The following LAMC3 variants were observed in gnomAD, a reference collection of about 807,000 sequenced individuals.
LAMC3 encodes the protein laminin subunit gamma-3.
In LAMC3, 128 loss-of-function variants were observed where a neutral mutation model predicts 173.8. The ratio of observed to expected loss-of-function variants is 0.74; its 90% CI spans 0.64 to 0.85. The LOEUF is 0.85. Among genes scored for constraint, LAMC3 ranks in the 40% least tolerant of loss-of-function variants. The pLI, the probability that LAMC3 is intolerant of heterozygous loss-of-function variation, is 0.00. For missense variants in LAMC3, 2,022 were observed against 2,156.0 expected, an observed-to-expected ratio of 0.94 and a Z score of 1.23; for synonymous variants, 897 against 909.1, an observed-to-expected ratio of 0.99 and a Z score of 0.24.
At position 131,087,711 on chromosome 9, in the gene LAMC3, C is replaced by G. The variant is rs1564157982; in HGVS notation, c.4378-7C>G. The stretch of plus-strand genomic sequence containing the variant: ...TTCAAGCTGTTTCTTCCTCCTCCCC[C>G]TGAAAGGTGGGTGCTGGGCTGAGCG... On this transcript the variant is annotated splice_polypyrimidine_tract_variant and splice_region_variant and intron_variant, in intron 26 of 27. Transcript: ENST00000361069. 1 of 1,614,020 alleles carries G rather than the reference C, an allele frequency of 6.2e-7. No individual in the cohort carries two copies. The highest frequency in any genetic ancestry group is 1.7e-5 in the Admixed American group (1 of 60,024).
chr9:131,040,758 C>A (rs10793983), intron 6 of LAMC3, among the ~76,000 whole-genome samples: 60,796 of 151,816 alleles, frequency 0.4, 12,404 homozygotes, highest in Non-Finnish European at 0.46. Context: ...AGCTGAGCAG[C>A]CCCGCTCTCG....
chr9:131,090,782 T>C (rs1226359302), intron 27 of LAMC3, among the ~76,000 whole-genome samples: 1 of 151,978 alleles, frequency 6.6e-6, no homozygotes, highest in Non-Finnish European at 1.5e-5. Context: ...ATCCCAGCAC[T>C]TTGGGAGGCT....
At chr9:131,066,182 G>A (rs953678655) in intron 13 of LAMC3, among the ~76,000 whole-genome samples, 39 of 151,910 alleles carry the variant, frequency 2.6e-4, no homozygotes, top group South Asian at 6.2e-4. Context: ...GTGACAGGAC[G>A]AGACTGCATC....
In LAMC3 at chr9:131,068,892, C is replaced by G; in HGVS notation, c.2748-16C>G. On this transcript the variant is annotated splice_polypyrimidine_tract_variant and intron_variant, in intron 15 of 27. Coordinates refer to ENST00000361069, the MANE Select transcript of LAMC3 (RefSeq NM_006059.4). ...CCCTGAGCTTGCCTCAGACCCAGTT[C>G]CTTCCCTGATCACAGCTGCAAGTGT... 1 of 1,613,832 alleles carries G rather than the reference C, an allele frequency of 6.2e-7. No homozygotes were observed. Among genetic ancestry groups the G allele is most frequent in the Non-Finnish European group, 8.5e-7 (1 of 1,179,988 alleles).
intron 17 of LAMC3, among the ~76,000 whole-genome samples, chr9:131,070,438 T>G (rs988618659): frequency 6.6e-6 from 1 of 152,190 alleles, no homozygotes; most frequent in African/African-American, 2.4e-5. Context: ...GAAGGCCGGG[T>G]GCTGTGGCTC....
chr9:131,047,191 G>A (rs1455174282), intron 8 of LAMC3, among the ~76,000 whole-genome samples: 7 of 51,986 alleles, frequency 1.3e-4, no homozygotes, highest in Non-Finnish European at 2.5e-4. Context: ...TTAAGACGGA[G>A]TCTCACTGTG....
intron 1 of LAMC3, among the ~76,000 whole-genome samples, chr9:131,014,771 G>C (rs1833490025): frequency 6.6e-6 from 1 of 152,218 alleles, no homozygotes; most frequent in Non-Finnish European, 1.5e-5. Flanking sequence ...CAGAAGTTCA[G>C]GGTCAGCCTG....
chr9:131,036,466 C>A, intron 4 of LAMC3, 134 bp downstream of exon 4: 1 of 973,146 alleles, frequency 1.0e-6, no homozygotes, highest in Non-Finnish European at 1.6e-6. Flanking sequence ...CTCTGTGCTG[C>A]TGCAGAGATA....
In LAMC3 at chr9:131,085,592, GAC is replaced by G; in HGVS notation, c.4101_4102del (p.Asp1367GlufsTer81). ...ALQRKADSVSDRLLADTRKKT... is the reference protein window; with the variant it reads ...ALQRKADSVSXRLLADTRKKT... ...GCAGAGGAAGGCAGACTCCGTCAGT[GAC>G]AGACTCCTTGCAGACACGAGAAAGA... On this transcript the variant is annotated frameshift_variant, in exon 25 of 28. Transcript: ENST00000361069. LOFTEE classifies it high-confidence loss of function. 1 of 1,614,144 alleles carries G rather than the reference GAC, an allele frequency of 6.2e-7. No individual in the cohort carries two copies. The highest frequency in any genetic ancestry group is 1.1e-5 in the South Asian group (1 of 91,084).
At chr9:131,081,302 A>G (rs965925229) in intron 23 of LAMC3, among the ~76,000 whole-genome samples, 12 of 152,228 alleles carry the variant, frequency 7.9e-5, no homozygotes, top group African/African-American at 2.2e-4. Flanking sequence ...CCACTCATCT[A>G]TCAGACCCAA....
Position 131,061,236 on chromosome 9 carries a change from T to C in LAMC3, c.2347+13T>C, listed in dbSNP as rs760132941. 1.3e-6 allele frequency: 2 copies of C among 1,598,024 alleles called. No individual in the cohort carries two copies. Among genetic ancestry groups the C allele is most frequent in the African/African-American group, 1.3e-5 (1 of 74,790 alleles). Reference sequence around the variant, plus strand: ...CCGGGCCAGAGAGGTAAGTGACTCCTGCCCCGGAGCCCTGCCCCGCAGAGG... The same window carrying C: ...CCGGGCCAGAGAGGTAAGTGACTCCCGCCCCGGAGCCCTGCCCCGCAGAGG... On this transcript the variant is annotated intron_variant, in intron 13 of 27. Coordinates refer to ENST00000361069, the MANE Select transcript of LAMC3 (RefSeq NM_006059.4).
intron 13 of LAMC3, among the ~76,000 whole-genome samples, chr9:131,063,891 G>C (rs73554423): frequency 0.065 from 9,944 of 152,028 alleles, 1,118 homozygotes; most frequent in African/African-American, 0.23. Context: ...TCCTTTTCAG[G>C]GTTGCCCTTA....
At position 131,009,987 on chromosome 9, in the gene LAMC3, C is replaced by G. The variant is rs1239729524; in HGVS notation, c.373+400C>G. Among the ~76,000 whole-genome samples the G allele has an allele frequency of 2.0e-5, 3 of 151,740 alleles. No homozygotes were observed. The highest frequency in any genetic ancestry group is 4.4e-5 in the Non-Finnish European group (3 of 67,948). On this transcript the variant is annotated intron_variant, in intron 1 of 27. Transcript: ENST00000361069. This position sits in a 1 kb window ranked among gnomAD's most constrained non-coding sequence, Gnocchi z 4.3. ...TGGCCAACATGGTGAAAACCCGTCT[C>G]TACTAAAAATAGAAAATTTGGCCGG...
chr9:131,087,138 G>A (rs545348812), intron 25 of LAMC3, among the ~76,000 whole-genome samples: 48 of 152,338 alleles, frequency 3.2e-4, no homozygotes, highest in African/African-American at 1.1e-3. Flanking sequence ...CTGTCTTTAT[G>A]GTGCCTAGGA....
At chr9:131,032,595 A>C (rs370345430) in intron 3 of LAMC3, among the ~76,000 whole-genome samples, 21 of 41,940 alleles carry the variant, frequency 5.0e-4, no homozygotes, top group Non-Finnish European at 7.9e-4. Context: ...TCTCTTTCTC[A>C]CTCGCTTTCT....
In LAMC3 at chr9:131,075,986, G is replaced by C. The variant is rs750128231; in HGVS notation, c.3629+21G>C. 3.1e-6 allele frequency: 5 copies of C among 1,589,246 alleles called. No homozygotes were observed. In the South Asian group the frequency reaches 5.6e-5, roughly 18 times the overall value. ...GACAGGTGAGGCCTCCCCAGGTGTG[G>C]GTAGAAACTTTGGGGTTGGCCTCCT... On this transcript the variant is annotated intron_variant, in intron 21 of 27. Transcript: ENST00000361069.
In LAMC3 at chr9:131,041,693, G is replaced by T; in HGVS notation, c.1340G>T (p.Arg447Leu). ...GACACCTGTGACCCCCGCAGTGGGC[G>T]CTGCCCCTGCAAAGAGAATGTGGAA... The part of the protein sequence containing the change: ...SLDTCDPRSG[R>L]CPCKENVEGN... The change falls in exon 7 of 28, where the codon CGC (arginine) becomes CTC (leucine). Residue 447 changes from arginine to leucine, a missense_variant. Transcript: ENST00000361069. 1 of 1,613,956 alleles carries T rather than the reference G, an allele frequency of 6.2e-7. No homozygotes were observed. The highest frequency in any genetic ancestry group is 8.5e-7 in the Non-Finnish European group (1 of 1,180,018).
At chr9:131,085,954 A>G (rs1463697524) in intron 25 of LAMC3, 1 of 606,616 alleles carries the variant, frequency 1.6e-6, no homozygotes, top group East Asian at 2.8e-5. Context: ...AGCCAGCTTC[A>G]TGAACTTAAC....
intron 12 of LAMC3, among the ~76,000 whole-genome samples, chr9:131,058,197 C>T (rs1829732572): frequency 6.6e-6 from 1 of 152,222 alleles, no homozygotes; most frequent in African/African-American, 2.4e-5. Flanking sequence ...TGGCTCACTG[C>T]AGCCTCCTGC....
Sources: allele counts gnomAD v4.1 joint callset (sites outside exome capture counted in the v4.1 genomes callset), GRCh38; gene constraint gnomAD v4.1.1; non-coding constraint Gnocchi (gnomAD v3.1); transcripts MANE v1.5; gene names NCBI Gene and HGNC (gene_info 2026-07-23, HGNC 2026-07-21).